NTM: variants seen among roughly 807,000 people sequenced by gnomAD.
NTM encodes IgLON family member 2.
A neutral mutation model predicts 42.1 loss-of-function variants in NTM; 13 were observed. The observed-to-expected ratio is 0.31, with a 90% CI of 0.20 to 0.49. The LOEUF (loss-of-function observed/expected upper bound fraction) is 0.49. Ranked by LOEUF, NTM falls within the 20% of genes least tolerant of loss-of-function variation. The probability of loss-of-function intolerance (pLI) is 0.99; values close to 1 mark genes in which losing one functional copy is unlikely to be tolerated. For missense variants in NTM, 373 were observed against 452.8 expected (o/e 0.82, Z 1.60); for synonymous variants, 187 against 179.2 (o/e 1.04, Z -0.35).
chr11:131,845,325 T>C (rs1440746249), intron 1 of NTM, among the ~76,000 whole-genome samples: 1 of 151,752 alleles, frequency 6.6e-6, no homozygotes. Context: ...TAAATGGAGG[T>C]TGGGGGAGCT....
chr11:131,594,231 A>G lies in NTM; in HGVS notation c.82+223343A>G, dbSNP rs2059624049. On this transcript the variant is annotated intron_variant, in intron 1 of 8. Transcript: ENST00000683400. ...TTTGGCACTGGGGAGGACCTGGGAA[A>G]GAATTTATGCTAAGTCCTGTAGATT... Among the ~76,000 whole-genome samples the G allele has an allele frequency of 2.0e-5, 3 of 152,224 alleles. 1 individual carries two copies. The South Asian group carries it at 6.2e-4, about 32-fold the overall frequency.
chr11:131,471,339 T>C (rs1952422561), intron 1 of NTM, among the ~76,000 whole-genome samples: 2 of 152,224 alleles, frequency 1.3e-5, no homozygotes. Flanking sequence ...GAGTGCTCTC[T>C]GTCAGGCACT....
rs2079727969 is a variant in NTM at position 132,056,682 on chromosome 11, T to C, written c.168-89600T>C. On this transcript the variant is annotated intron_variant, in intron 2 of 8. Coordinates refer to ENST00000683400, the MANE Select transcript of NTM (RefSeq NM_001352005.2). ...AAATTATGCTTCTGTCTTTTCTTGC[T>C]CTTCTCAACCCACCTTGCCTGACAG... Among the ~76,000 whole-genome samples the C allele has an allele frequency of 2.0e-5, 3 of 152,250 alleles. No homozygotes were observed. In the South Asian group the frequency reaches 6.2e-4, roughly 31 times the overall value.
intron 2 of NTM, among the ~76,000 whole-genome samples, chr11:132,106,531 CAGG>C (rs1168795359): frequency 6.6e-6 from 1 of 152,238 alleles, no homozygotes; most frequent in Non-Finnish European, 1.5e-5. Flanking sequence ...CTGCCAAGAA[CAGG>C]AGATTAGTAA....
At chr11:132,108,804 A>G (rs1385757463) in intron 2 of NTM, among the ~76,000 whole-genome samples, 2 of 152,156 alleles carry the variant, frequency 1.3e-5, no homozygotes, top group African/African-American at 4.8e-5. Flanking sequence ...TGCTGCACCC[A>G]TCAACTCATC....
intron 1 of NTM, among the ~76,000 whole-genome samples, chr11:131,900,334 G>A (rs2052961796): frequency 6.6e-6 from 1 of 152,240 alleles, no homozygotes; most frequent in South Asian, 2.1e-4. Context: ...AAAATACACA[G>A]ATGCCACGTC....
chr11:131,810,350 C>G (rs2092686001), intron 1 of NTM, among the ~76,000 whole-genome samples: 1 of 152,122 alleles, frequency 6.6e-6, no homozygotes, highest in Non-Finnish European at 1.5e-5. Flanking sequence ...TTGTGGGCAC[C>G]CAGAGAGTGC....
At chr11:132,315,667 T>C (rs917521227) in intron 7 of NTM, among the ~76,000 whole-genome samples, 10 of 152,214 alleles carry the variant, frequency 6.6e-5, no homozygotes, top group South Asian at 4.1e-4. Flanking sequence ...GGCCCAGCCA[T>C]GTGCCCTCGG....
At chr11:132,202,241 C>T (rs982089422) in intron 3 of NTM, among the ~76,000 whole-genome samples, 1 of 152,124 alleles carries the variant, frequency 6.6e-6, no homozygotes, top group Non-Finnish European at 1.5e-5. Flanking sequence ...CTCGACTACA[C>T]GGTGGGGAAT....
chr11:131,431,722 C>T (rs12790085), intron 1 of NTM, among the ~76,000 whole-genome samples: 35,858 of 152,136 alleles, frequency 0.24, 4,590 homozygotes, highest in Middle Eastern at 0.31. Flanking sequence ...CTTCTATGCC[C>T]ATTTCACAGA....
intron 1 of NTM, among the ~76,000 whole-genome samples, chr11:131,527,151 T>G (rs1225902014): frequency 6.6e-6 from 1 of 152,194 alleles, no homozygotes; most frequent in Non-Finnish European, 1.5e-5. Context: ...CCCCCTGGTC[T>G]CCCAGAGCTG....
chr11:132,072,917 G>A (rs973897651), intron 2 of NTM, among the ~76,000 whole-genome samples: 4 of 152,182 alleles, frequency 2.6e-5, no homozygotes, highest in African/African-American at 9.7e-5. Context: ...TCTTCTGAGA[G>A]AATAAGCTTT....
chr11:132,239,091 C>T (rs2089678483), intron 4 of NTM, among the ~76,000 whole-genome samples: 1 of 152,188 alleles, frequency 6.6e-6, no homozygotes, highest in African/African-American at 2.4e-5. Context: ...AAGAATATCC[C>T]AGATACAATA....
chr11:131,567,120 C>CT (rs1170572064), intron 1 of NTM, among the ~76,000 whole-genome samples: 2 of 152,010 alleles, frequency 1.3e-5, no homozygotes, highest in African/African-American at 4.8e-5. Flanking sequence ...AGGAACATGT[C>CT]TTTTCCTCAT....
At chr11:131,495,568 C>A (rs1591827580) in intron 1 of NTM, among the ~76,000 whole-genome samples, 1 of 152,232 alleles carries the variant, frequency 6.6e-6, no homozygotes, top group Non-Finnish European at 1.5e-5. Flanking sequence ...GTGGTCGATA[C>A]TTGGGAGTAG....
Position 132,146,623 on chromosome 11 carries a change from C to G in NTM, c.400+109C>G, listed in dbSNP as rs2070477239. ...AGAGATGAGTTATCCTTATTCTACG[C>G]ATCTGGGGTCCAGGGCACATTTCTG... On this transcript the variant is annotated intron_variant, in intron 3 of 8. Transcript: ENST00000683400. This position sits in a 1 kb window ranked among gnomAD's most constrained non-coding sequence, Gnocchi z 4.5. 8.6e-7 allele frequency: 1 copy of G among 1,165,344 alleles called. No individual in the cohort carries two copies. Among genetic ancestry groups the G allele is most frequent in the Non-Finnish European group, 1.2e-6 (1 of 836,528 alleles). The allele number at this position is 1,165,344 out of a possible 1,614,324, so 72.2% of individuals were successfully genotyped here. A position where few individuals can be genotyped will look rare whatever the true frequency, so the allele number is the denominator to read the frequency against.
At chr11:131,685,115 T>A (rs1403926777) in intron 1 of NTM, among the ~76,000 whole-genome samples, 2 of 152,232 alleles carry the variant, frequency 1.3e-5, no homozygotes, top group East Asian at 3.9e-4. Flanking sequence ...AGGTGTCATG[T>A]GTAATTGTTA....
rs536800843 is a variant in NTM, at chr11:132,263,623, CT to C, written c.527-44064del. ...CTTTTTTTTTCCTGAACAATTCCAT[CT>C]TCAATTCATTTCCCTTTCTCACATG... On this transcript the variant is annotated intron_variant, in intron 4 of 8. Transcript: ENST00000683400. Among the ~76,000 whole-genome samples, 678 of 152,034 alleles carry C rather than the reference CT, an allele frequency of 4.5e-3. 4 individuals carry two copies. Among genetic ancestry groups the C allele is most frequent in the African/African-American group, 0.015 (642 of 41,468 alleles).
rs539618418 is a variant in NTM at position 131,875,620 on chromosome 11, T to G, written c.83-35944T>G. On this transcript the variant is annotated intron_variant, in intron 1 of 8. Transcript: ENST00000683400. The stretch of plus-strand genomic sequence containing the variant: ...TTGTAGCATTGTGAAATGTCATGGA[T>G]TTTAAGTCACAAGAAAGCAAAAGGA... Among the ~76,000 whole-genome samples, 9 of 152,324 alleles carry G rather than the reference T, an allele frequency of 5.9e-5. No individual in the cohort carries two copies. In the South Asian group the frequency reaches 1.9e-3, roughly 32 times the overall value.
Sources: allele counts gnomAD v4.1 joint callset (sites outside exome capture counted in the v4.1 genomes callset), GRCh38; gene constraint gnomAD v4.1.1; non-coding constraint Gnocchi (gnomAD v3.1); transcripts MANE v1.5; gene names NCBI Gene and HGNC (gene_info 2026-07-23, HGNC 2026-07-21).